Variants in ADAM28 observed in about 807,000 individuals in gnomAD.
ADAM28 encodes disintegrin and metalloproteinase domain-containing protein 28.
A neutral mutation model predicts 101.2 loss-of-function variants in ADAM28; 105 were observed. The observed-to-expected ratio is 1.04, with a 90% CI of 0.89 to 1.22. ADAM28 has a LOEUF of 1.22. Ranked by LOEUF, ADAM28 falls within the 50% of genes most tolerant of loss-of-function variation. The pLI, the probability that ADAM28 is intolerant of heterozygous loss-of-function variation, is 0.00. For synonymous variants in ADAM28, 322 were observed against 310.6 expected, an observed-to-expected ratio of 1.04 and a Z score of -0.39; for missense variants, 1,028 against 945.4, an observed-to-expected ratio of 1.09 and a Z score of -1.15.
intron 18 of ADAM28, among the ~76,000 whole-genome samples, chr8:24,347,267 A>AAGTT (rs1469120307): frequency 1.3e-5 from 2 of 152,188 alleles, no homozygotes; most frequent in Non-Finnish European, 2.9e-5. Context: ...GAATAAACCT[A>AAGTT]AGTTAGAAAT....
chr8:24,308,544 C>A, intron 2 of ADAM28: 1 of 448,404 alleles, frequency 2.2e-6, no homozygotes, highest in South Asian at 1.6e-5. Flanking sequence ...GTATCATTCT[C>A]ATGGCTTCAT....
chr8:24,330,618 T>G (rs1260557172), intron 11 of ADAM28, among the ~76,000 whole-genome samples: 7 of 152,186 alleles, frequency 4.6e-5, no homozygotes, highest in African/African-American at 1.7e-4. Flanking sequence ...CTATAAACTC[T>G]ATTTCCTCTT....
chr8:24,332,947 T>C (rs1813548652), intron 13 of ADAM28, among the ~76,000 whole-genome samples, 198 bp downstream of exon 13: 1 of 152,172 alleles, frequency 6.6e-6, no homozygotes, highest in Non-Finnish European at 1.5e-5. Flanking sequence ...CAGTAGATAT[T>C]ATTTCATTTT....
At chr8:24,315,674 C>A (rs1811070525) in intron 6 of ADAM28, among the ~76,000 whole-genome samples, 1 of 151,908 alleles carries the variant, frequency 6.6e-6, no homozygotes, top group South Asian at 2.1e-4. Flanking sequence ...CCAGCATTAC[C>A]TTTATACCTA....
chr8:24,303,463 C>A (rs1456137708), intron 2 of ADAM28, among the ~76,000 whole-genome samples: 1 of 152,006 alleles, frequency 6.6e-6, no homozygotes, highest in Non-Finnish European at 1.5e-5. Flanking sequence ...GATGTGTGGT[C>A]TTATTTCTGA....
intron 14 of ADAM28, chr8:24,335,932 A>G (rs1034350688): frequency 9.0e-7 from 1 of 1,109,844 alleles, no homozygotes; most frequent in African/African-American, 1.6e-5. Context: ...GTGTGCTCAT[A>G]CTAAAATTAT....
intron 16 of ADAM28, 64 bp downstream of exon 16, chr8:24,341,821 T>C (rs1814803363): frequency 1.2e-6 from 2 of 1,604,362 alleles, no homozygotes; most frequent in South Asian, 1.1e-5. Flanking sequence ...TTTGTTGTTT[T>C]GCCCCTCGGT....
chr8:24,354,337 TA>T (rs1397968920), intron 22 of ADAM28, 46 bp from the exon 23 acceptor site: 4 of 1,488,588 alleles, frequency 2.7e-6, no homozygotes, highest in Non-Finnish European at 3.7e-6. Flanking sequence ...AGTAAATATC[TA>T]AATTTTTGAA....
intron 14 of ADAM28, among the ~76,000 whole-genome samples, chr8:24,336,799 A>G (rs993086582): frequency 7.2e-5 from 11 of 152,048 alleles, no homozygotes; most frequent in African/African-American, 2.7e-4. Context: ...GCAAGTTTTT[A>G]AAAACCAGTT....
intron 19 of ADAM28, among the ~76,000 whole-genome samples, chr8:24,350,982 G>T (rs906877852): frequency 7.3e-5 from 11 of 151,666 alleles, no homozygotes; most frequent in Non-Finnish European, 5.9e-5. Context: ...ATAAAATTTG[G>T]ATTCAACACT....
chr8:24,341,856 G>A (rs763929649), intron 16 of ADAM28, 99 bp downstream of exon 16: 24 of 1,489,556 alleles, frequency 1.6e-5, no homozygotes, highest in African/African-American at 2.8e-5. Flanking sequence ...CTTGTTTCCC[G>A]ATTTTGGGGT....
intron 2 of ADAM28, among the ~76,000 whole-genome samples, chr8:24,307,832 AT>A (rs1259619063): frequency 1.3e-5 from 2 of 152,172 alleles, no homozygotes; most frequent in African/African-American, 2.4e-5. Flanking sequence ...TTACAGCACA[AT>A]TCCTCCCTCA....
At chr8:24,324,400 G>A (rs1563294745) in intron 9 of ADAM28, among the ~76,000 whole-genome samples, 2 of 151,910 alleles carry the variant, frequency 1.3e-5, no homozygotes, top group African/African-American at 4.8e-5. Flanking sequence ...CCACTGAAAT[G>A]ACCTGTTAAG....
chr8:24,356,562 C>G lies in ADAM28; in HGVS notation c.*2158C>G, dbSNP rs563567602. Reference sequence around the variant, plus strand: ...CATTATTTTATCATAGAACTGCGAACCCAAGTCCTACAATGTTTCCCTTTC... The same window carrying G: ...CATTATTTTATCATAGAACTGCGAAGCCAAGTCCTACAATGTTTCCCTTTC... On this transcript the variant is annotated 3_prime_UTR_variant, in exon 23 of 23. Coordinates refer to ENST00000265769, the MANE Select transcript of ADAM28 (RefSeq NM_014265.6). 3 of 152,258 alleles carry G rather than the reference C, an allele frequency of 2.0e-5. No homozygotes were observed. Among genetic ancestry groups the G allele is most frequent in the East Asian group, 3.9e-4 (2 of 5,172 alleles). 9.4% of individuals were successfully genotyped at this position (152,258 alleles called of 1,614,324 possible).
intron 14 of ADAM28, chr8:24,336,008 T>A: frequency 9.8e-7 from 1 of 1,016,724 alleles, no homozygotes; most frequent in Non-Finnish European, 1.2e-6. Context: ...CCTACTAAGA[T>A]CATAAACCCT....
Position 24,329,976 on chromosome 8 carries a change from T to TA in ADAM28, c.973-8dup. The TA allele has an allele frequency of 6.3e-7, 1 of 1,599,312 alleles. No individual in the cohort carries two copies. The highest frequency in any genetic ancestry group is 2.2e-5 in the East Asian group (1 of 44,614). On this transcript the variant is annotated splice_polypyrimidine_tract_variant and intron_variant, in intron 10 of 22. Transcript: ENST00000265769. ...ATCAGAGAATCTTTTTCTTCTTTCA[T>TA]ACCTTTAGGACCACAGCGATAATCT...
intron 17 of ADAM28, 78 bp downstream of exon 17, chr8:24,343,259 A>G (rs1815005914): frequency 1.3e-6 from 2 of 1,522,664 alleles, no homozygotes; most frequent in African/African-American, 2.8e-5. Context: ...AGCTAAAGGA[A>G]TATTTTCAGC....
rs576541353 is a variant in ADAM28, at chr8:24,294,113, G to A, written c.-37G>A. The A allele has an allele frequency of 3.7e-5, 59 of 1,613,670 alleles. No homozygotes were observed. Among genetic ancestry groups the A allele is most frequent in the African/African-American group, 2.0e-4 (15 of 75,020 alleles). On this transcript the variant is annotated 5_prime_UTR_variant, in exon 1 of 23. Coordinates refer to ENST00000265769, the MANE Select transcript of ADAM28 (RefSeq NM_014265.6). ...CAGACCCAGCAGCACCCACCTGAGC[G>A]AGAAGAGCAGACACCGTGCTCCTGG...
intron 18 of ADAM28, among the ~76,000 whole-genome samples, chr8:24,348,168 C>T (rs967472049): frequency 6.6e-6 from 1 of 151,878 alleles, no homozygotes; most frequent in African/African-American, 2.4e-5. Flanking sequence ...TTATGCATTT[C>T]TTTTATATTT....
Sources: gnomAD v4.1 joint callset for allele counts (sites outside exome capture counted in the v4.1 genomes callset) on GRCh38, gnomAD v4.1.1 for gene constraint, MANE v1.5 for transcripts, NCBI Gene and HGNC (gene_info 2026-07-23, HGNC 2026-07-21) for gene names.